Variants in KHDRBS3 observed in about 807,000 individuals in gnomAD.
KHDRBS3 encodes KH RNA binding domain containing, signal transduction associated 3, also known as KH domain-containing, RNA-binding, signal transduction-associated protein 3.
In KHDRBS3, 23 loss-of-function variants were observed where a neutral mutation model predicts 45.6. The ratio of observed to expected loss-of-function variants is 0.50; its 90% confidence interval spans 0.36 to 0.72. The LOEUF (loss-of-function observed/expected upper bound fraction) is 0.72, where lower values mean the gene tolerates loss of function less well. Among genes scored for constraint, KHDRBS3 ranks in the 30% least tolerant of loss-of-function variants. The pLI is 0.00. For synonymous variants in KHDRBS3, 162 were observed against 156.5 expected (o/e 1.04, Z -0.26); for missense variants, 352 against 424.8 (o/e 0.83, Z 1.51).
chr8:135,488,345 A>G (rs970191271), intron 1 of KHDRBS3, among the ~76,000 whole-genome samples: 5 of 152,196 alleles, frequency 3.3e-5, no homozygotes, highest in African/African-American at 9.7e-5. Flanking sequence ...ATTGTCAGGT[A>G]TACGTGATAA....
At chr8:135,561,805 G>A (rs943189145) in intron 5 of KHDRBS3, among the ~76,000 whole-genome samples, 5 of 152,010 alleles carry the variant, frequency 3.3e-5, no homozygotes, top group African/African-American at 9.7e-5. Flanking sequence ...TGTAGTCCTA[G>A]GCTATAGGCT....
chr8:135,581,976 G>A lies in KHDRBS3; in HGVS notation c.710G>A (p.Arg237Gln), dbSNP rs369245979. Reference sequence around the variant, plus strand: ...CTGTCCACCCGAGGGCCAGTGAGTCGGGGAAGAGGACTTCTCACTCCCAGA... The same window carrying A: ...CTGTCCACCCGAGGGCCAGTGAGTCAGGGAAGAGGACTTCTCACTCCCAGA... ...GVLSTRGPVSRGRGLLTPRAR... is the reference protein window; with the variant it reads ...GVLSTRGPVSQGRGLLTPRAR... The change falls in exon 6 of 9, where the codon CGG (arginine) becomes CAG (glutamine). Residue 237 changes from arginine (R) to glutamine (Q), a missense_variant. Physicochemically the swap from Arg to Gln is conservative, Grantham distance 43 (BLOSUM62 1). Around this residue, in one of 6 missense-constraint regions of KHDRBS3, gnomAD observed 212 missense variants for 209.6 expected, o/e 1.01. Coordinates refer to ENST00000355849, the MANE Select transcript of KHDRBS3 (RefSeq NM_006558.3). The A allele has an allele frequency of 1.2e-6, 2 of 1,613,414 alleles. No homozygotes were observed. Among genetic ancestry groups the A allele is most frequent in the Non-Finnish European group, 8.5e-7 (1 of 1,179,686 alleles).
intron 1 of KHDRBS3, among the ~76,000 whole-genome samples, chr8:135,494,142 TG>T (rs988402107): frequency 6.6e-6 from 1 of 152,108 alleles, no homozygotes; most frequent in African/African-American, 2.4e-5. Context: ...TTAATCAGTC[TG>T]GCCAGAGGCT....
intron 7 of KHDRBS3, among the ~76,000 whole-genome samples, chr8:135,641,322 C>G (rs73375350): frequency 6.6e-5 from 10 of 152,256 alleles, no homozygotes; most frequent in African/African-American, 1.9e-4. Flanking sequence ...GTCACAGGAC[C>G]TGTCATTTAC....
chr8:135,584,293 T>A (rs1015845518), intron 6 of KHDRBS3, among the ~76,000 whole-genome samples: 3 of 152,232 alleles, frequency 2.0e-5, no homozygotes, highest in African/African-American at 7.2e-5. Flanking sequence ...TGGAATGCAG[T>A]ATTTGCAATT....
Position 135,623,700 on chromosome 8 carries a change from A to G in KHDRBS3, c.890+16663A>G, listed in dbSNP as rs191180767. ...TGGAATTTTAGGGCAACAAAAGTCT[A>G]AAAGGCCGCAAAAGAGAAATAGCAC... On this transcript the variant is annotated intron_variant, in intron 7 of 8. Coordinates refer to ENST00000355849, the MANE Select transcript of KHDRBS3 (RefSeq NM_006558.3). Among the ~76,000 whole-genome samples the G allele has an allele frequency of 7.9e-5, 12 of 152,326 alleles. No homozygotes were observed. In the South Asian group the frequency reaches 1.2e-3, roughly 16 times the overall value.
intron 1 of KHDRBS3, among the ~76,000 whole-genome samples, chr8:135,477,887 G>T (rs1018239379): frequency 6.6e-6 from 1 of 152,200 alleles, no homozygotes; most frequent in Non-Finnish European, 1.5e-5. Context: ...GTTCAGATGT[G>T]TCCTCAGTAT....
At chr8:135,536,262 T>TTTTTTTTTTTA (rs1491256544) in intron 2 of KHDRBS3, among the ~76,000 whole-genome samples, 11 of 98,844 alleles carry the variant, frequency 1.1e-4, no homozygotes, top group African/African-American at 2.7e-4. Flanking sequence ...TTTTTTTTTT[T>TTTTTTTTTTTA]ATTATTGTTT....
chr8:135,555,899 C>T (rs903894895), intron 4 of KHDRBS3, among the ~76,000 whole-genome samples: 14 of 152,122 alleles, frequency 9.2e-5, no homozygotes, highest in Admixed American at 3.9e-4. Context: ...CCCCATCCCT[C>T]GACAGGAGCT....
chr8:135,533,581 T>C lies in KHDRBS3; in HGVS notation c.208-9073T>C, dbSNP rs540792895. Among the ~76,000 whole-genome samples the C allele has an allele frequency of 5.9e-5, 9 of 152,286 alleles. No homozygotes were observed. The South Asian group carries it at 1.9e-3, about 32-fold the overall frequency. On this transcript the variant is annotated intron_variant, in intron 2 of 8. Coordinates refer to ENST00000355849, the MANE Select transcript of KHDRBS3 (RefSeq NM_006558.3). ...CATTGCCTAACTTAAGACTGTGGAA[T>C]ATTTGAGGTAATAACCTATAGGTAG...
downstream of KHDRBS3, among the ~76,000 whole-genome samples, chr8:135,649,190 AT>A (rs572726628): frequency 4.7e-4 from 72 of 152,062 alleles, no homozygotes; most frequent in African/African-American, 1.6e-3. Flanking sequence ...CATTTTCTTG[AT>A]TTTTTTTCTA....
intron 1 of KHDRBS3, among the ~76,000 whole-genome samples, chr8:135,485,818 G>A (rs906711415): frequency 8.4e-5 from 11 of 131,468 alleles, no homozygotes; most frequent in Non-Finnish European, 1.1e-4. Context: ...TATGAGGTAT[G>A]CAGGATTGAT....
downstream of KHDRBS3, among the ~76,000 whole-genome samples, chr8:135,650,328 C>G (rs1275198225): frequency 6.6e-6 from 1 of 152,210 alleles, no homozygotes; most frequent in Non-Finnish European, 1.5e-5. Flanking sequence ...TCCATGATGT[C>G]CTCACCAGTT....
At chr8:135,570,142 C>T (rs1172417044) in intron 5 of KHDRBS3, among the ~76,000 whole-genome samples, 1 of 151,986 alleles carries the variant, frequency 6.6e-6, no homozygotes, top group Non-Finnish European at 1.5e-5. Flanking sequence ...TTTATGCATA[C>T]ACATTTTAGG....
intron 1 of KHDRBS3, among the ~76,000 whole-genome samples, chr8:135,513,188 A>G (rs988383849): frequency 6.6e-6 from 1 of 152,052 alleles, no homozygotes; most frequent in Non-Finnish European, 1.5e-5. Flanking sequence ...CAACAGAGCA[A>G]GACTCCGTCT....
chr8:135,537,264 G>A (rs1188441804), intron 2 of KHDRBS3, among the ~76,000 whole-genome samples: 1 of 152,144 alleles, frequency 6.6e-6, no homozygotes, highest in Non-Finnish European at 1.5e-5. Context: ...TGTGTTAGAG[G>A]TCAGTAAGAT....
intron 2 of KHDRBS3, among the ~76,000 whole-genome samples, chr8:135,521,912 G>A (rs1288064446): frequency 1.3e-5 from 2 of 152,000 alleles, no homozygotes; most frequent in African/African-American, 2.4e-5. Context: ...AAATTTCTCT[G>A]AACAGTTTTA....
intron 1 of KHDRBS3, among the ~76,000 whole-genome samples, chr8:135,465,807 T>C (rs1821667100): frequency 6.6e-6 from 1 of 152,204 alleles, no homozygotes; most frequent in Admixed American, 6.5e-5. Context: ...AAGGTGCTCC[T>C]AGCATATTAT....
intron 1 of KHDRBS3, among the ~76,000 whole-genome samples, chr8:135,496,221 G>A (rs906039381): frequency 2.0e-5 from 3 of 150,922 alleles, no homozygotes; most frequent in Admixed American, 6.6e-5. Flanking sequence ...AATCAGTGAC[G>A]AAGAAAACTC....
Sources: allele counts gnomAD v4.1 joint callset (sites outside exome capture counted in the v4.1 genomes callset), GRCh38; gene constraint gnomAD v4.1.1; regional missense constraint gnomAD v4.1.1; transcripts MANE v1.5; gene names NCBI Gene and HGNC (gene_info 2026-07-23, HGNC 2026-07-21).